Variants in TASP1 observed in about 807,000 individuals in gnomAD.
The protein encoded by TASP1 is threonine aspartase 1.
TASP1 carries 16 observed loss-of-function variants against 56.6 expected under a neutral mutation model. That is an observed-to-expected ratio of 0.28 (90% CI 0.19 to 0.43). TASP1 has a LOEUF of 0.43. Among genes scored for constraint, TASP1 ranks in the 20% least tolerant of loss-of-function variants. The pLI is 1.00. For missense variants in TASP1, 393 were observed against 511.6 expected, an observed-to-expected ratio of 0.77 and a Z score of 2.24; for synonymous variants, 179 against 184.2, an observed-to-expected ratio of 0.97 and a Z score of 0.23.
the TASP1 span, among the ~76,000 whole-genome samples, chr20:13,381,750 C>T: frequency 6.6e-6 from 1 of 152,182 alleles, no homozygotes; most frequent in East Asian, 1.9e-4. Context: ...GTCTGCCTCT[C>T]CCTCAGCAAA....
the TASP1 span, among the ~76,000 whole-genome samples, chr20:13,214,710 C>T: frequency 6.6e-6 from 1 of 152,108 alleles, no homozygotes; most frequent in African/African-American, 2.4e-5. Context: ...GAAAGTAAAT[C>T]ACAAGGATTC....
At chr20:13,226,029 T>C in the TASP1 span, among the ~76,000 whole-genome samples, 1 of 152,206 alleles carries the variant, frequency 6.6e-6, no homozygotes, top group Non-Finnish European at 1.5e-5. Flanking sequence ...GAATCATGAA[T>C]TTCTATATAT....
chr20:13,564,294 T>C lies in TASP1; in HGVS notation c.569-5180A>G, dbSNP rs190789729. Among the ~76,000 whole-genome samples, 9 of 142,848 alleles carry C rather than the reference T, an allele frequency of 6.3e-5. No individual in the cohort carries two copies. The East Asian group carries it at 1.6e-3, about 26-fold the overall frequency. The allele number at this position is 142,848 out of a possible 152,430, so 93.7% of individuals were successfully genotyped here. A position where few individuals can be genotyped will look rare whatever the true frequency, so the allele number is the denominator to read the frequency against. On this transcript the variant is annotated intron_variant, in intron 7 of 13. Transcript: ENST00000337743. ...CAGTTGCATTTCTATAAATTAACAA[T>C]GAACAATTTAAAAAGAAATTAAGAA...
chr20:13,305,298 A>T, the TASP1 span, among the ~76,000 whole-genome samples: 1 of 151,962 alleles, frequency 6.6e-6, no homozygotes, highest in Admixed American at 6.6e-5. Flanking sequence ...GTACTTTTCC[A>T]TAATTTTAGA....
intron 8 of TASP1, among the ~76,000 whole-genome samples, chr20:13,539,791 T>C (rs2045554284): frequency 6.6e-6 from 1 of 152,210 alleles, no homozygotes; most frequent in African/African-American, 2.4e-5. Context: ...AGAATTCCTA[T>C]ACAATGTTCT....
chr20:13,221,706 C>T, the TASP1 span: 5 of 1,280,854 alleles, frequency 3.9e-6, no homozygotes, highest in Non-Finnish European at 3.0e-6. Flanking sequence ...GCTCCTACTC[C>T]TCCTCCCCCG....
At chr20:13,455,683 G>GA (rs566136401) in intron 11 of TASP1, among the ~76,000 whole-genome samples, 120 of 152,110 alleles carry the variant, frequency 7.9e-4, no homozygotes, top group Non-Finnish European at 1.6e-3. Flanking sequence ...AATTTGCAAG[G>GA]AAAAAAATGT....
chr20:13,531,792 C>A (rs1010298210), intron 9 of TASP1, among the ~76,000 whole-genome samples: 1 of 152,108 alleles, frequency 6.6e-6, no homozygotes, highest in Non-Finnish European at 1.5e-5. Context: ...TCCCCCCCAA[C>A]TGGCTGGGAT....
chr20:13,587,775 T>G (rs780904291), intron 4 of TASP1, among the ~76,000 whole-genome samples: 3 of 151,170 alleles, frequency 2.0e-5, no homozygotes, highest in Non-Finnish European at 2.9e-5. Flanking sequence ...CAACACCCTT[T>G]CATGAGAAAA....
chr20:13,164,803 C>G, the TASP1 span: 1 of 1,613,806 alleles, frequency 6.2e-7, no homozygotes, highest in South Asian at 1.1e-5. Flanking sequence ...CTGAAATATT[C>G]CCGGCACAAG....
intron 9 of TASP1, among the ~76,000 whole-genome samples, chr20:13,529,583 C>T (rs996852145): frequency 6.6e-6 from 1 of 152,078 alleles, no homozygotes; most frequent in African/African-American, 2.4e-5. Context: ...AAGAATTAAG[C>T]TTTTTAAAAA....
At chr20:13,299,418 G>A in the TASP1 span, 4 of 1,610,366 alleles carry the variant, frequency 2.5e-6, no homozygotes, top group African/African-American at 1.3e-5. The surrounding 1 kb of genome is among the most constrained non-coding windows in gnomAD (Gnocchi z 5.8). Flanking sequence ...CCCCTCGGAC[G>A]AGGACTACAT....
chr20:13,164,629 T>C, the TASP1 span: 1 of 717,636 alleles, frequency 1.4e-6, no homozygotes, highest in Non-Finnish European at 2.3e-6. Context: ...TTCTTTTCTT[T>C]AAAATCAAAG....
chr20:13,439,165 C>G (rs1397005251), intron 11 of TASP1, among the ~76,000 whole-genome samples: 4 of 152,114 alleles, frequency 2.6e-5, no homozygotes, highest in African/African-American at 9.7e-5. Flanking sequence ...GGTATACACC[C>G]AAAGGATTAT....
rs561944427 is a variant in TASP1 at position 13,563,560 on chromosome 20, C to T, written c.569-4446G>A. On this transcript the variant is annotated intron_variant, in intron 7 of 13. Transcript: ENST00000337743. ...GCAGCAGCATATTAAAAGGATAATA[C>T]ACTATGACAAAGTGCAATTTATTCC... Among the ~76,000 whole-genome samples, 5 of 152,082 alleles carry T rather than the reference C, an allele frequency of 3.3e-5. No individual in the cohort carries two copies. In the South Asian group the frequency reaches 8.3e-4, roughly 25 times the overall value.
chr20:13,380,310 T>C, the TASP1 span, among the ~76,000 whole-genome samples: 1 of 152,226 alleles, frequency 6.6e-6, no homozygotes, highest in Non-Finnish European at 1.5e-5. Context: ...GTTTGTTAGT[T>C]TTCCTTCTAA....
At chr20:13,315,500 T>G in the TASP1 span, among the ~76,000 whole-genome samples, 3 of 151,930 alleles carry the variant, frequency 2.0e-5, no homozygotes, top group Non-Finnish European at 4.4e-5. Context: ...ATCCTTAATA[T>G]GTATTCACCT....
intron 10 of TASP1, 144 bp from the exon 11 acceptor site, chr20:13,483,481 T>C (rs2043213665): frequency 4.1e-6 from 2 of 487,160 alleles, no homozygotes; most frequent in African/African-American, 3.9e-5. Context: ...ATGACTTCCA[T>C]GAGCAATCTG....
chr20:13,252,317 CCTT>C, the TASP1 span, among the ~76,000 whole-genome samples: 3 of 152,164 alleles, frequency 2.0e-5, no homozygotes, highest in Non-Finnish European at 4.4e-5. Context: ...ATTAGATTGT[CCTT>C]CTTCACCTTC....
Sources: gnomAD v4.1 joint callset for allele counts (sites outside exome capture counted in the v4.1 genomes callset) on GRCh38, gnomAD v4.1.1 for gene constraint, Gnocchi (gnomAD v3.1) non-coding constraint, MANE v1.5 for transcripts, NCBI Gene and HGNC (gene_info 2026-07-23, HGNC 2026-07-21) for gene names.